NEGR1: variants seen among roughly 807,000 people sequenced by gnomAD.
NEGR1 encodes IgLON family member 4.
Under a neutral mutation model 40.9 loss-of-function variants are expected in NEGR1, and 10 were observed. The ratio of observed to expected loss-of-function variants is 0.24; its 90% CI spans 0.15 to 0.42. The LOEUF (loss-of-function observed/expected upper bound fraction) is 0.42. NEGR1 is among the 10% of genes least tolerant of loss of function. The probability of loss-of-function intolerance (pLI) is 1.00; values close to 1 mark genes in which losing one functional copy is unlikely to be tolerated. For missense variants in NEGR1, 352 were observed against 438.9 expected (o/e 0.80, Z 1.77); for synonymous variants, 185 against 166.8 (o/e 1.11, Z -0.84).
chr1:72,258,741 ACTAAT>A (rs1557601938), intron 1 of NEGR1, among the ~76,000 whole-genome samples: 1 of 152,128 alleles, frequency 6.6e-6, no homozygotes, highest in African/African-American at 2.4e-5. Flanking sequence ...ACAATTGAAA[ACTAAT>A]CTATTTATAA....
chr1:72,146,144 C>A (rs1650900820), intron 1 of NEGR1, among the ~76,000 whole-genome samples: 1 of 152,068 alleles, frequency 6.6e-6, no homozygotes. Context: ...GTGTCAATAG[C>A]AACACAGGTT....
At chr1:71,831,545 G>A (rs1469284027) in intron 2 of NEGR1, among the ~76,000 whole-genome samples, 1 of 151,938 alleles carries the variant, frequency 6.6e-6, no homozygotes, top group Non-Finnish European at 1.5e-5. Flanking sequence ...GGCACATGGG[G>A]TTATAAGATC....
intron 1 of NEGR1, among the ~76,000 whole-genome samples, chr1:72,002,212 C>A (rs1399522619): frequency 6.6e-6 from 1 of 151,598 alleles, no homozygotes; most frequent in Admixed American, 6.6e-5. Context: ...TGTTATAATG[C>A]AATAAGGGGA....
intron 1 of NEGR1, among the ~76,000 whole-genome samples, chr1:72,187,803 T>C (rs1652666120): frequency 6.6e-6 from 1 of 151,382 alleles, no homozygotes; most frequent in Non-Finnish European, 1.5e-5. Context: ...TTAGGCACTG[T>C]TTTTATCCTT....
intron 6 of NEGR1, among the ~76,000 whole-genome samples, chr1:71,445,541 C>T (rs1490004037): frequency 6.6e-6 from 1 of 152,110 alleles, no homozygotes; most frequent in Admixed American, 6.6e-5. Flanking sequence ...CAGTAAGTGA[C>T]CTGCTTAGAG....
rs995760044 is a variant in NEGR1, at chr1:72,012,866, CAT to C, written c.177-77557_177-77556del. ...ACATATATATATATATACACACACA[CAT>C]ATATATATATTTTTTTTTTTGTAGA... is the stretch of plus-strand genomic sequence containing the variant. On this transcript the variant is annotated intron_variant, in intron 1 of 6. Coordinates refer to ENST00000357731, the MANE Select transcript of NEGR1 (RefSeq NM_173808.3). Among the ~76,000 whole-genome samples the C allele has an allele frequency of 5.7e-5, 6 of 104,938 alleles. No homozygotes were observed. In the East Asian group the frequency reaches 1.6e-3, roughly 27 times the overall value. The allele number at this position is 104,938 out of a possible 152,430, so 68.8% of individuals were successfully genotyped here. A position where few individuals can be genotyped will look rare whatever the true frequency, so the allele number is the denominator to read the frequency against.
intron 1 of NEGR1, among the ~76,000 whole-genome samples, chr1:72,214,301 G>A (rs755533507): frequency 1.3e-4 from 19 of 151,954 alleles, no homozygotes; most frequent in Non-Finnish European, 1.9e-4. Flanking sequence ...TTTGAAAACC[G>A]GCACAAGACA....
intron 2 of NEGR1, among the ~76,000 whole-genome samples, chr1:71,852,430 A>G (rs894798281): frequency 2.0e-5 from 3 of 152,174 alleles, no homozygotes; most frequent in African/African-American, 7.2e-5. Flanking sequence ...ATATTTCAAT[A>G]TGAAAAATAT....
intron 1 of NEGR1, among the ~76,000 whole-genome samples, chr1:72,104,100 G>T (rs1297314983): frequency 6.6e-6 from 1 of 151,792 alleles, no homozygotes; most frequent in Non-Finnish European, 1.5e-5. Flanking sequence ...TTTCCATGGA[G>T]AACATAAAGT....
intron 1 of NEGR1, among the ~76,000 whole-genome samples, chr1:72,210,662 T>G (rs1653569950): frequency 6.6e-6 from 1 of 151,892 alleles, no homozygotes. Flanking sequence ...TCTCATAGTA[T>G]TTTTAGAGAA....
intron 1 of NEGR1, among the ~76,000 whole-genome samples, chr1:72,074,023 C>A (rs1647604047): frequency 6.6e-6 from 1 of 151,946 alleles, no homozygotes; most frequent in Admixed American, 6.6e-5. Context: ...AATCTTTCAT[C>A]AATTCTATGA....
At chr1:71,574,411 G>A (rs965984121) in intron 6 of NEGR1, among the ~76,000 whole-genome samples, 9 of 152,156 alleles carry the variant, frequency 5.9e-5, no homozygotes. Context: ...TGCAGTTATT[G>A]ACTCAGATTT....
intron 3 of NEGR1, among the ~76,000 whole-genome samples, chr1:71,759,226 T>A (rs968353953): frequency 2.0e-5 from 3 of 148,826 alleles, no homozygotes; most frequent in Admixed American, 6.7e-5. Flanking sequence ...GAATCCCACC[T>A]CAGCATGAAT....
intron 1 of NEGR1, among the ~76,000 whole-genome samples, chr1:72,199,146 C>G (rs892262455): frequency 0.021 from 2,925 of 139,128 alleles, 45 homozygotes; most frequent in South Asian, 0.043. Flanking sequence ...TCTAGATAGA[C>G]AGACAGAGAG....
In NEGR1 at chr1:71,555,613, A is replaced by G. The variant is rs77083180; in HGVS notation, c.940+37204T>C. 4.3e-3 allele frequency among the ~76,000 whole-genome samples: 650 copies of G among 151,760 alleles called. 7 individuals carry two copies. Among genetic ancestry groups the G allele is most frequent in the African/African-American group, 0.015 (615 of 41,488 alleles). On this transcript the variant is annotated intron_variant, in intron 6 of 6. Coordinates refer to ENST00000357731, the MANE Select transcript of NEGR1 (RefSeq NM_173808.3). Reference sequence around the variant, plus strand: ...TCAGAGCATAGGATTAGCCACTCTCAATCTTCAAAGTGTGACATTTTTTCA... The same window carrying G: ...TCAGAGCATAGGATTAGCCACTCTCGATCTTCAAAGTGTGACATTTTTTCA...
rs1396197912 is a variant in NEGR1 at position 72,050,178 on chromosome 1, A to G, written c.177-114867T>C. 4.0e-5 allele frequency among the ~76,000 whole-genome samples: 6 copies of G among 151,716 alleles called. No individual in the cohort carries two copies. In the South Asian group the frequency reaches 1.2e-3, roughly 31 times the overall value. ...TAAAAATTAATTACATATAGTATAT[A>G]AAGTTAAATTTAATGATGATTAATG... On this transcript the variant is annotated intron_variant, in intron 1 of 6. Coordinates refer to ENST00000357731, the MANE Select transcript of NEGR1 (RefSeq NM_173808.3).
At chr1:71,492,952 T>TAGAACA (rs1451463340) in intron 6 of NEGR1, among the ~76,000 whole-genome samples, 1 of 152,152 alleles carries the variant, frequency 6.6e-6, no homozygotes, top group African/African-American at 2.4e-5. Context: ...CCAAAATTGT[T>TAGAACA]CTCCATTGTG....
At chr1:72,010,872 A>C (rs917960838) in intron 1 of NEGR1, among the ~76,000 whole-genome samples, 2 of 152,132 alleles carry the variant, frequency 1.3e-5, no homozygotes, top group South Asian at 4.1e-4. Flanking sequence ...ATTACAATAC[A>C]CAGGACAATT....
chr1:71,658,883 G>A (rs1651962448), intron 4 of NEGR1, among the ~76,000 whole-genome samples: 3 of 152,110 alleles, frequency 2.0e-5, no homozygotes, highest in South Asian at 2.1e-4. Flanking sequence ...ACTAATTGTT[G>A]AGTAAAACTA....
Sources: allele counts gnomAD v4.1 joint callset (sites outside exome capture counted in the v4.1 genomes callset), GRCh38; gene constraint gnomAD v4.1.1; transcripts MANE v1.5; gene names NCBI Gene and HGNC (gene_info 2026-07-23, HGNC 2026-07-21).